The following BLOC1S5 variants were observed in gnomAD, a reference collection of about 807,000 sequenced individuals.
BLOC1S5 encodes biogenesis of lysosome-related organelles complex 1 subunit 5.
Under a neutral mutation model 24.3 loss-of-function variants are expected in BLOC1S5, and 27 were observed. That is an observed-to-expected ratio of 1.11 (90% confidence interval 0.82 to 1.53). The LOEUF is 1.53. BLOC1S5 is among the 40% of genes most tolerant of loss of function. The pLI, the probability that BLOC1S5 is intolerant of heterozygous loss-of-function variation, is 0.00. For missense variants in BLOC1S5, 239 were observed against 229.4 expected (o/e 1.04, Z -0.27); for synonymous variants, 84 against 74.5 (o/e 1.13, Z -0.66).
intron 3 of BLOC1S5, among the ~76,000 whole-genome samples, chr6:8,033,370 A>C (rs1007052721): frequency 1.3e-5 from 2 of 152,204 alleles, no homozygotes; most frequent in African/African-American, 4.8e-5. Context: ...AAAAACAAGC[A>C]ATATGGAAAG....
intron 2 of BLOC1S5, among the ~76,000 whole-genome samples, chr6:8,043,636 T>G (rs1323798788): frequency 6.6e-6 from 1 of 152,354 alleles, no homozygotes; most frequent in South Asian, 2.1e-4. Flanking sequence ...AAGGGGACTG[T>G]AATAGAAAAA....
At chr6:8,042,409 A>G (rs1439337507) in intron 2 of BLOC1S5, among the ~76,000 whole-genome samples, 1 of 152,234 alleles carries the variant, frequency 6.6e-6, no homozygotes, top group African/African-American at 2.4e-5. Flanking sequence ...AGGCCTCCTC[A>G]TAAGGTTGGC....
intron 2 of BLOC1S5, among the ~76,000 whole-genome samples, chr6:8,047,906 G>T (rs1354367376): frequency 1.3e-5 from 2 of 152,144 alleles, no homozygotes; most frequent in African/African-American, 4.8e-5. Flanking sequence ...ACAACAACTT[G>T]GTTACTCTGA....
At chr6:8,034,104 T>C (rs538005687) in intron 3 of BLOC1S5, among the ~76,000 whole-genome samples, 5 of 152,318 alleles carry the variant, frequency 3.3e-5, no homozygotes, top group African/African-American at 1.2e-4. Flanking sequence ...AGAATTACCA[T>C]TTGACCCAGC....
intron 2 of BLOC1S5, among the ~76,000 whole-genome samples, chr6:8,047,391 AG>A (rs760945271): frequency 2.4e-4 from 37 of 152,150 alleles, no homozygotes; most frequent in Non-Finnish European, 4.4e-4. Flanking sequence ...TATTTTTTAT[AG>A]AGACAGGGTT....
intron 3 of BLOC1S5, among the ~76,000 whole-genome samples, chr6:8,040,452 G>A (rs1038354694): frequency 9.2e-5 from 14 of 152,112 alleles, no homozygotes; most frequent in African/African-American, 3.1e-4. Context: ...AAAATAAATA[G>A]TTTTTTAAAA....
Position 8,039,621 on chromosome 6 carries a change from T to G in BLOC1S5, c.325+1518A>C, listed in dbSNP as rs562340575. On this transcript the variant is annotated intron_variant, in intron 3 of 4. Coordinates refer to ENST00000397457, the MANE Select transcript of BLOC1S5 (RefSeq NM_201280.3). ...TTTTTAAAAAGCTAAGTCAATGTAG[T>G]ATTAGCTTTAAAAAAAAAAAGAAAA... Among the ~76,000 whole-genome samples, 31 of 132,664 alleles carry G rather than the reference T, an allele frequency of 2.3e-4. 1 individual carries two copies. The East Asian group carries it at 8.9e-3, about 38-fold the overall frequency. The allele number at this position is 132,664 out of a possible 152,430, so 87.0% of individuals were successfully genotyped here.
At chr6:8,022,039 T>C (rs1320062718) in intron 4 of BLOC1S5, among the ~76,000 whole-genome samples, 1 of 151,824 alleles carries the variant, frequency 6.6e-6, no homozygotes, top group Non-Finnish European at 1.5e-5. Flanking sequence ...TAGAGATAAT[T>C]TGAAATAGAA....
At chr6:8,052,675 G>C (rs527579497) in intron 2 of BLOC1S5, among the ~76,000 whole-genome samples, 1 of 151,906 alleles carries the variant, frequency 6.6e-6, no homozygotes, top group African/African-American at 2.4e-5. Context: ...GGCAGATCAC[G>C]AGGTCAGGAG....
intron 4 of BLOC1S5, among the ~76,000 whole-genome samples, chr6:8,019,059 T>C (rs925591332): frequency 2.6e-5 from 4 of 152,194 alleles, no homozygotes; most frequent in African/African-American, 9.6e-5. Flanking sequence ...CAGAATATTA[T>C]GAATAAAGAC....
At chr6:8,057,259 CA>C (rs1233304203) in intron 2 of BLOC1S5, among the ~76,000 whole-genome samples, 1 of 151,886 alleles carries the variant, frequency 6.6e-6, no homozygotes, top group Non-Finnish European at 1.5e-5. Flanking sequence ...AAAAAAACCC[CA>C]AAAAACCCAT....
intron 2 of BLOC1S5, among the ~76,000 whole-genome samples, chr6:8,046,371 C>G (rs1763900916): frequency 6.6e-6 from 1 of 152,050 alleles, no homozygotes; most frequent in African/African-American, 2.4e-5. Context: ...TGGACTAACA[C>G]AGGGGTACAT....
At chr6:8,058,302 T>C (rs1764385358) in intron 2 of BLOC1S5, among the ~76,000 whole-genome samples, 1 of 140,092 alleles carries the variant, frequency 7.1e-6, no homozygotes, top group African/African-American at 2.6e-5. Context: ...GGAGGATCAA[T>C]TGAGCCCAGG....
rs567714241 is a variant in BLOC1S5 at position 8,032,481 on chromosome 6, A to T, written c.326-6056T>A. Reference sequence around the variant, plus strand: ...AAAAATTGATGGAATGTATCTCAAAATAATAAGAGCTATTTATGACAAACT... The same window carrying T: ...AAAAATTGATGGAATGTATCTCAAATTAATAAGAGCTATTTATGACAAACT... On this transcript the variant is annotated intron_variant, in intron 3 of 4. Transcript: ENST00000397457. 5.3e-5 allele frequency among the ~76,000 whole-genome samples: 8 copies of T among 152,304 alleles called. No homozygotes were observed. In the South Asian group the frequency reaches 1.4e-3, roughly 28 times the overall value.
chr6:8,053,997 A>G (rs1764225318), intron 2 of BLOC1S5, among the ~76,000 whole-genome samples: 1 of 152,210 alleles, frequency 6.6e-6, no homozygotes, highest in Admixed American at 6.5e-5. Flanking sequence ...TGCTCAAAGA[A>G]AATGCTTATT....
At chr6:8,032,607 G>A (rs149459284) in intron 3 of BLOC1S5, among the ~76,000 whole-genome samples, 1 of 152,280 alleles carries the variant, frequency 6.6e-6, no homozygotes, top group African/African-American at 2.4e-5. Context: ...ATTCAATGTA[G>A]TGTTGAAAGT....
intron 4 of BLOC1S5, among the ~76,000 whole-genome samples, chr6:8,019,778 C>A (rs1561853633): frequency 1.3e-5 from 2 of 152,186 alleles, no homozygotes; most frequent in African/African-American, 2.4e-5. Context: ...ACAAATACTG[C>A]ACATGAAAAG....
intron 3 of BLOC1S5, among the ~76,000 whole-genome samples, chr6:8,039,987 C>G (rs777964434): frequency 1.3e-5 from 2 of 152,144 alleles, no homozygotes; most frequent in Non-Finnish European, 2.9e-5. Context: ...GGTGAAAAGT[C>G]GTGAAGTTAA....
chr6:8,055,203 G>A (rs552397967), intron 2 of BLOC1S5, among the ~76,000 whole-genome samples: 6 of 152,164 alleles, frequency 3.9e-5, no homozygotes, highest in South Asian at 2.1e-4. Context: ...AAGCCGAGGC[G>A]GGTGGATCAC....
Sources: gnomAD v4.1 joint callset for allele counts (sites outside exome capture counted in the v4.1 genomes callset) on GRCh38, gnomAD v4.1.1 for gene constraint, MANE v1.5 for transcripts, NCBI Gene and HGNC (gene_info 2026-07-23, HGNC 2026-07-21) for gene names.